PCDH9: variants seen among roughly 807,000 people sequenced by gnomAD.
PCDH9 encodes the protein protocadherin-9.
In PCDH9, 24 loss-of-function variants were observed where a neutral mutation model predicts 70.6. That is an observed-to-expected ratio of 0.34 (90% CI 0.25 to 0.48). PCDH9 has a LOEUF of 0.48. Among genes scored for constraint, PCDH9 ranks in the 20% least tolerant of loss-of-function variants. The probability of loss-of-function intolerance (pLI) is 0.99; values close to 1 mark genes in which losing one functional copy is unlikely to be tolerated. For missense variants in PCDH9, 1,281 were observed against 1,503.6 expected (o/e 0.85, Z 2.45); for synonymous variants, 562 against 558.5 (o/e 1.01, Z -0.09).
At chr13:66,883,954 G>A (rs796603027) in intron 3 of PCDH9, among the ~76,000 whole-genome samples, 6 of 146,228 alleles carry the variant, frequency 4.1e-5, no homozygotes, top group African/African-American at 1.5e-4. Context: ...CCAGGCTGGA[G>A]TGCAGTGGCA....
chr13:66,772,870 T>C (rs1203830276), intron 3 of PCDH9, among the ~76,000 whole-genome samples: 1 of 152,030 alleles, frequency 6.6e-6, no homozygotes, highest in African/African-American at 2.4e-5. Context: ...ATTTCTCTAT[T>C]ATCTATATAG....
At chr13:66,313,122 T>G (rs902830752) in intron 4 of PCDH9, among the ~76,000 whole-genome samples, 4 of 152,220 alleles carry the variant, frequency 2.6e-5, no homozygotes, top group African/African-American at 9.6e-5. Flanking sequence ...CTGATAATTT[T>G]ATGTGCTCTC....
chr13:67,185,052 C>A (rs141110154), intron 2 of PCDH9, among the ~76,000 whole-genome samples: 7 of 152,128 alleles, frequency 4.6e-5, no homozygotes, highest in African/African-American at 1.7e-4. Context: ...CCTAGCAATG[C>A]CCTGGAGAGC....
In PCDH9 at chr13:67,226,243, C is replaced by A; in HGVS notation, c.2198G>T (p.Gly733Val). The change falls in exon 2 of 5, where the codon GGT (glycine) becomes GTT (valine). Residue 733 changes from glycine (G) to valine (V), a missense_variant. Transcript: ENST00000377865. The surrounding 1 kb of genome is among the most constrained non-coding windows in gnomAD (Gnocchi z 5.0). ...KGLFRIDPVT[G>V]NITLEEKPAP... ...TGGTTTTTCTTCCAGAGTAATGTTA[C>A]CTGTTACTGGATCAATCCGGAATAA... is the stretch of plus-strand genomic sequence containing the variant. The A allele has an allele frequency of 6.2e-7, 1 of 1,614,146 alleles. No individual in the cohort carries two copies. Among genetic ancestry groups the A allele is most frequent in the Non-Finnish European group, 8.5e-7 (1 of 1,180,018 alleles).
chr13:66,915,684 C>T (rs1052808520), intron 2 of PCDH9, among the ~76,000 whole-genome samples: 2 of 151,636 alleles, frequency 1.3e-5, no homozygotes, highest in Non-Finnish European at 3.0e-5. Flanking sequence ...TGTTTATGTG[C>T]ATGCAGCAAA....
intron 2 of PCDH9, among the ~76,000 whole-genome samples, chr13:67,160,085 G>A (rs1256637349): frequency 5.3e-5 from 8 of 152,088 alleles, no homozygotes; most frequent in Non-Finnish European, 1.2e-4. Flanking sequence ...GGGAAATTCT[G>A]ACTCCTCTGA....
At chr13:66,336,769 A>C (rs1956044640) in intron 4 of PCDH9, among the ~76,000 whole-genome samples, 1 of 152,050 alleles carries the variant, frequency 6.6e-6, no homozygotes, top group East Asian at 1.9e-4. Flanking sequence ...CCTAATAGAG[A>C]AGTCAGCATA....
intron 4 of PCDH9, among the ~76,000 whole-genome samples, chr13:66,384,027 G>T (rs1418834859): frequency 6.6e-6 from 1 of 151,712 alleles, no homozygotes; most frequent in Non-Finnish European, 1.5e-5. Context: ...AAGTATAAAT[G>T]GTAATTTCGA....
intron 3 of PCDH9, among the ~76,000 whole-genome samples, chr13:66,843,342 A>G (rs1003241944): frequency 8.0e-5 from 6 of 75,244 alleles, no homozygotes; most frequent in African/African-American, 2.5e-4. Context: ...TCAGCTACAC[A>G]CATGCACATA....
intron 2 of PCDH9, among the ~76,000 whole-genome samples, chr13:66,928,225 A>AAATATTCTG: frequency 6.6e-6 from 1 of 151,942 alleles, no homozygotes; most frequent in Non-Finnish European, 1.5e-5. Context: ...TATGAAAGAG[A>AAATATTCTG]AATATTCTGA....
intron 3 of PCDH9, among the ~76,000 whole-genome samples, chr13:66,769,630 A>T (rs189331575): frequency 6.6e-6 from 1 of 152,234 alleles, no homozygotes; most frequent in Non-Finnish European, 1.5e-5. Context: ...TAGAAATCCA[A>T]CAAGACCACA....
At chr13:66,707,098 A>T (rs1386048133) in intron 3 of PCDH9, among the ~76,000 whole-genome samples, 1 of 152,132 alleles carries the variant, frequency 6.6e-6, no homozygotes, top group African/African-American at 2.4e-5. Context: ...TCATTTTAGC[A>T]CCTCTTACCC....
At position 67,029,690 on chromosome 13, in the gene PCDH9, C is replaced by T. The variant is rs534632707; in HGVS notation, c.3037-126085G>A. ...GAACTAAGCTTATTCATCATTTTTT[C>T]CAATTAGGAAAACATATCAAAATTC... On this transcript the variant is annotated intron_variant, in intron 2 of 4. Transcript: ENST00000377865. Among the ~76,000 whole-genome samples the T allele has an allele frequency of 2.0e-5, 3 of 152,158 alleles. No homozygotes were observed. In the East Asian group the frequency reaches 5.8e-4, roughly 29 times the overall value.
chr13:66,593,617 G>A (rs370153142), intron 4 of PCDH9, among the ~76,000 whole-genome samples: 9 of 151,768 alleles, frequency 5.9e-5, no homozygotes, highest in East Asian at 1.9e-4. Flanking sequence ...TGGTCATAGA[G>A]CCAGAAAATC....
chr13:67,042,369 C>A (rs549017604), intron 2 of PCDH9, among the ~76,000 whole-genome samples: 2 of 152,174 alleles, frequency 1.3e-5, no homozygotes, highest in East Asian at 3.9e-4. Flanking sequence ...AACAAAGCAC[C>A]TTCTTCACAA....
intron 2 of PCDH9, among the ~76,000 whole-genome samples, chr13:67,106,324 TAA>T (rs1369454988): frequency 6.6e-6 from 1 of 152,184 alleles, no homozygotes; most frequent in Non-Finnish European, 1.5e-5. Context: ...CATTCCATGT[TAA>T]AAGAGTTAAG....
chr13:67,142,937 A>G (rs2087431690), intron 2 of PCDH9, among the ~76,000 whole-genome samples: 1 of 152,058 alleles, frequency 6.6e-6, no homozygotes, highest in Non-Finnish European at 1.5e-5. Flanking sequence ...TGAACCCCGG[A>G]GGCGGAGGTT....
intron 4 of PCDH9, among the ~76,000 whole-genome samples, chr13:66,389,804 CT>C (rs1484066938): frequency 6.6e-6 from 1 of 152,120 alleles, no homozygotes; most frequent in East Asian, 1.9e-4. Context: ...AAGTCAATGA[CT>C]TCCATCATGA....
intron 3 of PCDH9, among the ~76,000 whole-genome samples, chr13:66,708,417 T>TTC (rs1555324416): frequency 8.1e-4 from 122 of 151,360 alleles, no homozygotes; most frequent in Non-Finnish European, 1.4e-3. Context: ...TTTTTTTTTT[T>TTC]TTTCTTTCTT....
Sources: gnomAD v4.1 joint callset for allele counts (sites outside exome capture counted in the v4.1 genomes callset) on GRCh38, gnomAD v4.1.1 for gene constraint, Gnocchi (gnomAD v3.1) non-coding constraint, MANE v1.5 for transcripts, NCBI Gene and HGNC (gene_info 2026-07-23, HGNC 2026-07-21) for gene names.